Variants in PCDH17 observed in about 807,000 individuals in gnomAD.
PCDH17 encodes protocadherin 17.
PCDH17 carries 21 observed loss-of-function variants against 67.7 expected under a neutral mutation model. The ratio of observed to expected loss-of-function variants is 0.31; its 90% CI spans 0.22 to 0.45. The LOEUF (loss-of-function observed/expected upper bound fraction) is 0.45. PCDH17 is among the 20% of genes least tolerant of loss of function. PCDH17 has a pLI of 1.00. For missense variants in PCDH17, 1,471 were observed against 1,564.8 expected (o/e 0.94, Z 1.01); for synonymous variants, 701 against 656.7 (o/e 1.07, Z -1.03).
chr13:57,660,369 G>A (rs574988269), intron 1 of PCDH17, among the ~76,000 whole-genome samples: 2 of 151,986 alleles, frequency 1.3e-5, no homozygotes, highest in Admixed American at 1.3e-4. Context: ...TATCTACATA[G>A]GTTTCAGAAA....
In PCDH17 at chr13:57,666,817, C is replaced by G; in HGVS notation, c.2781C>G (p.Ser927Arg). Reference sequence around the variant, plus strand: ...AGATGAAAACTACTTCAACTAAAAGCCAACCACTTGAACAAGGTGAGTGAA... The same window carrying G: ...AGATGAAAACTACTTCAACTAAAAGGCAACCACTTGAACAAGGTGAGTGAA... ...ALKMKTTSTK[S>R]QPLEQEPEEC... is the part of the protein sequence containing the mutation. The change falls in exon 3 of 4, where the codon AGC becomes AGG. Residue 927 changes from serine to arginine, a missense_variant. Physicochemically the swap from Ser to Arg is moderately radical, Grantham distance 110. This residue lies in a region of PCDH17 where 297 missense variants were observed against 298.6 expected (regional missense o/e 0.99). Coordinates refer to ENST00000377918, the MANE Select transcript of PCDH17 (RefSeq NM_001040429.3). 1 of 1,608,942 alleles carries G rather than the reference C, an allele frequency of 6.2e-7. No individual in the cohort carries two copies. Among genetic ancestry groups the G allele is most frequent in the South Asian group, 1.1e-5 (1 of 90,550 alleles).
In PCDH17 at chr13:57,634,210, A is replaced by T. The variant is rs1392186861; in HGVS notation, c.1664A>T (p.Lys555Met). 4 of 1,613,250 alleles carry T rather than the reference A, an allele frequency of 2.5e-6. No individual in the cohort carries two copies. Among genetic ancestry groups the T allele is most frequent in the Non-Finnish European group, 3.4e-6 (4 of 1,180,012 alleles). ...GCTTTTGAGTTCAAGGTGCTTGCTA[A>T]GGACTCGGGGGCGCCCGCGCACTTG... ...TKAFEFKVLA[K>M]DSGAPAHLES... The change falls in exon 1 of 4, where the codon AAG (lysine) becomes ATG (methionine). Residue 555 changes from lysine (K) to methionine (M), a missense_variant. By Grantham distance (95) the Lys-to-Met change is moderately conservative. Transcript: ENST00000377918. This position sits in a 1 kb window ranked among gnomAD's most constrained non-coding sequence, Gnocchi z 7.8.
intron 3 of PCDH17, among the ~76,000 whole-genome samples, chr13:57,698,609 T>C (rs1050314588): frequency 1.3e-5 from 2 of 151,944 alleles, no homozygotes; most frequent in African/African-American, 4.8e-5. Flanking sequence ...GACTATATAG[T>C]GAAATAAGTT....
Position 57,633,636 on chromosome 13 carries a change from G to A in PCDH17, c.1090G>A (p.Ala364Thr), listed in dbSNP as rs1313728820. The A allele has an allele frequency of 6.2e-7, 1 of 1,609,390 alleles. No individual in the cohort carries two copies. Among genetic ancestry groups the A allele is most frequent in the Non-Finnish European group, 8.5e-7 (1 of 1,180,008 alleles). The change falls in exon 1 of 4, where the codon GCC becomes ACC. Residue 364 changes from alanine (A) to threonine (T), a missense_variant. This residue lies in a region of PCDH17 where 1,163 missense variants were observed against 1,230.0 expected (regional missense o/e 0.95). Transcript: ENST00000377918. The surrounding 1 kb of genome is among the most constrained non-coding windows in gnomAD (Gnocchi z 6.2). ...CGTGCGCCAGGGGGCGCTGAGCGAG[G>A]CCGCCCCTCCCGGCACCGTCATCGC... ...VSVRQGALSEAAPPGTVIALV... is the reference protein window; with the variant it reads ...VSVRQGALSETAPPGTVIALV...
chr13:57,722,042 T>A (rs945873895), intron 3 of PCDH17, among the ~76,000 whole-genome samples: 1 of 152,166 alleles, frequency 6.6e-6, no homozygotes, highest in Non-Finnish European at 1.5e-5. Flanking sequence ...AATTATAGTC[T>A]AATCACAAGG....
intron 3 of PCDH17, among the ~76,000 whole-genome samples, chr13:57,721,501 A>G (rs890376606): frequency 6.6e-6 from 1 of 152,072 alleles, no homozygotes; most frequent in Non-Finnish European, 1.5e-5. Context: ...CAGTTTGATC[A>G]TCTATCTTAG....
chr13:57,635,187 G>A, intron 1 of PCDH17, 76 bp downstream of exon 1: 204 of 1,435,394 alleles, frequency 1.4e-4, no homozygotes, highest in Admixed American at 1.3e-3. Context: ...TTGGAACAGG[G>A]CAAGCCACTC....
At chr13:57,651,001 G>T (rs530414342) in intron 1 of PCDH17, among the ~76,000 whole-genome samples, 26 of 152,150 alleles carry the variant, frequency 1.7e-4, no homozygotes, top group African/African-American at 6.3e-4. Flanking sequence ...GTCCCCACTG[G>T]AATGGACAAT....
chr13:57,712,108 A>G (rs962239460), intron 3 of PCDH17, among the ~76,000 whole-genome samples: 3 of 151,758 alleles, frequency 2.0e-5, no homozygotes, highest in Admixed American at 6.6e-5. Context: ...AAATACTTTT[A>G]TCATTTAAAG....
chr13:57,703,829 G>A (rs1267725315), intron 3 of PCDH17, among the ~76,000 whole-genome samples: 1 of 152,004 alleles, frequency 6.6e-6, no homozygotes, highest in African/African-American at 2.4e-5. Context: ...CCTTTTTAAT[G>A]TAGTAAAATT....
At chr13:57,645,206 A>G (rs1313381956) in intron 1 of PCDH17, among the ~76,000 whole-genome samples, 2 of 151,724 alleles carry the variant, frequency 1.3e-5, no homozygotes, top group Non-Finnish European at 3.0e-5. Context: ...TTAACTCTCT[A>G]TGAGTAAGAT....
Position 57,633,382 on chromosome 13 carries a change from T to G in PCDH17, c.836T>G (p.Leu279Arg). ...GATGAAGGTCCCAATGGTGAAGTGC[T>G]CTACTCTTTCAGCAGCTACGTGCCT... Reference protein sequence around the residue: ...DADEGPNGEVLYSFSSYVPDR... With the variant: ...DADEGPNGEVRYSFSSYVPDR... The change falls in exon 1 of 4, where the codon CTC becomes CGC. Residue 279 changes from leucine to arginine, a missense_variant. Coordinates refer to ENST00000377918, the MANE Select transcript of PCDH17 (RefSeq NM_001040429.3). The surrounding 1 kb of genome is among the most constrained non-coding windows in gnomAD (Gnocchi z 6.2). 6.2e-7 allele frequency: 1 copy of G among 1,613,274 alleles called. No homozygotes were observed. Among genetic ancestry groups the G allele is most frequent in the African/African-American group, 1.3e-5 (1 of 75,032 alleles).
chr13:57,649,252 G>A, intron 1 of PCDH17, among the ~76,000 whole-genome samples: 1 of 152,088 alleles, frequency 6.6e-6, no homozygotes, highest in East Asian at 1.9e-4. Context: ...TTATTTACAA[G>A]CCAGTGCTGT....
intron 1 of PCDH17, among the ~76,000 whole-genome samples, chr13:57,665,503 T>C (rs1955240616): frequency 6.6e-6 from 1 of 152,146 alleles, no homozygotes; most frequent in Admixed American, 6.6e-5. Flanking sequence ...TCACTGATAC[T>C]TGTGTGCTGG....
At chr13:57,708,215 C>T (rs934129787) in intron 3 of PCDH17, among the ~76,000 whole-genome samples, 5 of 151,814 alleles carry the variant, frequency 3.3e-5, no homozygotes, top group South Asian at 2.1e-4. Flanking sequence ...GTGCTTTCTA[C>T]GTAGTAAAAT....
At chr13:57,666,595 A>G in intron 2 of PCDH17, 66 bp from the exon 3 acceptor site, 3 of 1,605,728 alleles carry the variant, frequency 1.9e-6, no homozygotes, top group East Asian at 2.2e-5. Flanking sequence ...TTTGCAAGAG[A>G]CTACACTTCA....
rs1593886618 is a variant in PCDH17 at position 57,633,385 on chromosome 13, A to G, written c.839A>G (p.Tyr280Cys). ...ADEGPNGEVL[Y>C]SFSSYVPDRV... is the part of the protein sequence containing the mutation. ...GAAGGTCCCAATGGTGAAGTGCTCTACTCTTTCAGCAGCTACGTGCCTGAC... is the reference window on the plus strand; with the variant it reads ...GAAGGTCCCAATGGTGAAGTGCTCTGCTCTTTCAGCAGCTACGTGCCTGAC... The change falls in exon 1 of 4, where the codon TAC (tyrosine) becomes TGC (cysteine). Residue 280 changes from tyrosine to cysteine, a missense_variant. Physicochemically the swap from Tyr to Cys is radical, Grantham distance 194. This residue lies in a region of PCDH17 where 1,163 missense variants were observed against 1,230.0 expected (regional missense o/e 0.95). Transcript: ENST00000377918. This position sits in a 1 kb window ranked among gnomAD's most constrained non-coding sequence, Gnocchi z 6.2. 1 of 1,612,752 alleles carries G rather than the reference A, an allele frequency of 6.2e-7. No homozygotes were observed.
intron 3 of PCDH17, among the ~76,000 whole-genome samples, chr13:57,705,442 AAGAAC>A (rs1470234184): frequency 6.6e-6 from 1 of 152,120 alleles, no homozygotes; most frequent in Admixed American, 6.6e-5. Context: ...GTATCTGACT[AAGAAC>A]ATGCATGTAT....
intron 3 of PCDH17, among the ~76,000 whole-genome samples, chr13:57,687,859 G>A (rs1413137626): frequency 6.6e-6 from 1 of 151,940 alleles, no homozygotes; most frequent in Non-Finnish European, 1.5e-5. Flanking sequence ...TGTGGAGGGA[G>A]CTCCCCCAGT....
Sources: gnomAD v4.1 joint callset for allele counts (sites outside exome capture counted in the v4.1 genomes callset) on GRCh38, gnomAD v4.1.1 for gene constraint, gnomAD v4.1.1 regional missense constraint, Gnocchi (gnomAD v3.1) non-coding constraint, MANE v1.5 for transcripts, NCBI Gene and HGNC (gene_info 2026-07-23, HGNC 2026-07-21) for gene names.